The following TRMT1 variants were observed in gnomAD, a reference collection of about 807,000 sequenced individuals.
TRMT1 encodes the protein tRNA (guanine(26)-N(2))-dimethyltransferase.
Under a neutral mutation model 75.4 loss-of-function variants are expected in TRMT1, and 63 were observed. The observed-to-expected ratio is 0.84, with a 90% confidence interval of 0.68 to 1.03. TRMT1 has a LOEUF of 1.03. TRMT1 is among the 50% of genes least tolerant of loss of function. The pLI is 0.00. For missense variants in TRMT1, 870 were observed against 905.3 expected (o/e 0.96, Z 0.50); for synonymous variants, 382 against 358.1 (o/e 1.07, Z -0.75).
intron 7 of TRMT1, among the ~76,000 whole-genome samples, chr19:13,111,550 ATT>A (rs35140536): frequency 1.8e-4 from 23 of 124,516 alleles, no homozygotes; most frequent in Middle Eastern, 4.2e-3. Flanking sequence ...CGCCCAGCTA[ATT>A]TTTTTTTTTT....
intron 14 of TRMT1, among the ~76,000 whole-genome samples, chr19:13,106,430 G>C (rs1188144485): frequency 6.6e-6 from 1 of 152,056 alleles, no homozygotes; most frequent in Non-Finnish European, 1.5e-5. Context: ...GCTGGGAATA[G>C]ACAGTGAACA....
chr19:13,108,843 C>G (rs1314568723), intron 12 of TRMT1, among the ~76,000 whole-genome samples: 2 of 151,738 alleles, frequency 1.3e-5, no homozygotes, highest in Admixed American at 1.3e-4. Context: ...CTCCTGACCT[C>G]AAGTGATCTG....
At chr19:13,110,773 T>C (rs1178389670) in intron 7 of TRMT1, among the ~76,000 whole-genome samples, 1 of 151,772 alleles carries the variant, frequency 6.6e-6, no homozygotes, top group Non-Finnish European at 1.5e-5. Flanking sequence ...CATGATGAAA[T>C]CCCCGTCTCT....
rs146810234 is a variant in TRMT1 at position 13,105,151 on chromosome 19, G to C, written c.1834-70C>G. 1,590 of 1,547,838 alleles carry C rather than the reference G, an allele frequency of 1.0e-3. 15 individuals carry two copies. The African/African-American group carries it at 0.02, about 19-fold the overall frequency. ...AGCCCCTGATGGGATCCTTTCCTGG[G>C]ATGGGAAGCCCACTCCCAAACACTT... is the stretch of plus-strand genomic sequence containing the variant. On this transcript the variant is annotated intron_variant, in intron 16 of 16. Coordinates refer to ENST00000357720, the MANE Select transcript of TRMT1 (RefSeq NM_001136035.4).
At chr19:13,110,103 G>A in intron 8 of TRMT1, 55 bp downstream of exon 8, 2 of 1,608,744 alleles carry the variant, frequency 1.2e-6, no homozygotes, top group Non-Finnish European at 1.7e-6. Context: ...GATCCCCCAG[G>A]GCAAGGTCCT....
At chr19:13,107,442 G>A in intron 14 of TRMT1, 132 bp downstream of exon 14, 1 of 1,141,936 alleles carries the variant, frequency 8.8e-7, no homozygotes, top group Non-Finnish European at 1.3e-6. Flanking sequence ...CCCAGCCCCA[G>A]TCAGCAGATT....
chr19:13,109,497 G>T, intron 11 of TRMT1, 31 bp from the exon 12 acceptor site: 1 of 1,614,056 alleles, frequency 6.2e-7, no homozygotes. Context: ...GGCATGAGTG[G>T]AGATGGACGG....
At chr19:13,107,175 C>G in intron 14 of TRMT1, among the ~76,000 whole-genome samples, 1 of 151,318 alleles carries the variant, frequency 6.6e-6, no homozygotes, top group Non-Finnish European at 1.5e-5. Context: ...CGCTCTGTCG[C>G]CCAGGCTGGA....
chr19:13,105,593 A>G lies in TRMT1; in HGVS notation c.1597T>C (p.Phe533Leu). 2 of 1,612,896 alleles carry G rather than the reference A, an allele frequency of 1.2e-6. No homozygotes were observed. Among genetic ancestry groups the G allele is most frequent in the Non-Finnish European group, 1.7e-6 (2 of 1,179,290 alleles). ...GGGTTGGCATCTTCCCGGATGGTGAAGTTGGCCTGCAGCCTAGGGAAGCAG... is the reference window on the plus strand; with the variant it reads ...GGGTTGGCATCTTCCCGGATGGTGAGGTTGGCCTGCAGCCTAGGGAAGCAG... ...LSVEPRLQAN[F>L]TIREDANPSS... is the part of the protein sequence containing the mutation. The change falls in exon 15 of 17, where the codon TTC becomes CTC. Residue 533 changes from phenylalanine to leucine, a missense_variant. Coordinates refer to ENST00000357720, the MANE Select transcript of TRMT1 (RefSeq NM_001136035.4).
At position 13,105,554 on chromosome 19, in the gene TRMT1, G is replaced by C. The variant is rs765445061; in HGVS notation, c.1636C>G (p.Arg546Gly). The C allele has an allele frequency of 7.4e-6, 12 of 1,613,998 alleles. No homozygotes were observed. The South Asian group carries it at 1.1e-4, about 15-fold the overall frequency. The change falls in exon 15 of 17, where the codon CGA becomes GGA. Residue 546 changes from arginine to glycine, a missense_variant. Transcript: ENST00000357720. ...TTAGCCTGGAAGCGCTTGAGTCCTC[G>C]CTGTCGGGAGCTGGGGTTGGCATCT... ...REDANPSSRQ[R>G]GLKRFQANPE...
intron 14 of TRMT1, 77 bp from the exon 15 acceptor site, chr19:13,105,683 T>C (rs746853047): frequency 1.7e-5 from 24 of 1,385,230 alleles, no homozygotes; most frequent in African/African-American, 2.9e-5. Context: ...ACAGGGCCTG[T>C]CCGCCTCCAC....
chr19:13,111,219 GT>G (rs1568368341), intron 7 of TRMT1, among the ~76,000 whole-genome samples: 1 of 150,884 alleles, frequency 6.6e-6, no homozygotes, highest in African/African-American at 2.4e-5. Flanking sequence ...AATTTTTAGG[GT>G]TTTTTTGTAG....
chr19:13,115,824 T>G (rs574157980), intron 3 of TRMT1, 56 bp from the exon 4 acceptor site: 1 of 1,609,568 alleles, frequency 6.2e-7, no homozygotes, highest in South Asian at 1.1e-5. Flanking sequence ...CTGAGAAACC[T>G]CCCCTTAATC....
At position 13,110,265 on chromosome 19, in the gene TRMT1, G is replaced by T; in HGVS notation, c.912C>A (p.Asn304Lys). The T allele has an allele frequency of 6.2e-7, 1 of 1,611,652 alleles. No homozygotes were observed. The highest frequency in any genetic ancestry group is 8.5e-7 in the Non-Finnish European group (1 of 1,179,132). ...GCGGCACCACGAAGCGCTGGTAGCA[G>T]TTGGCGCGGAGGTCCAGGCTGTGCA... ...IVLHSLDLRANCYQRFVVPLL... is the reference protein window; with the variant it reads ...IVLHSLDLRAKCYQRFVVPLL... Residue 304 changes from asparagine to lysine, a missense_variant, in exon 8 of 17, where the codon AAC becomes AAA. By Grantham distance (94) the Asn-to-Lys change is moderately conservative (BLOSUM62 0). Coordinates refer to ENST00000357720, the MANE Select transcript of TRMT1 (RefSeq NM_001136035.4).
rs775863616 is a variant in TRMT1 at position 13,109,926 on chromosome 19, G to A, written c.1095C>T (p.Val365=). 3 of 1,614,038 alleles carry A rather than the reference G, an allele frequency of 1.9e-6. No homozygotes were observed. In the East Asian group the frequency reaches 6.7e-5, roughly 36 times the overall value. ...TCCTCCCTGCTCACCGGCCGCTGGG[G>A]ACTCCTGACGCTTTGCCGAGACGCT... ...HLQRLGKASG[V]PSGRAKFSAA... The change falls in exon 9 of 17, where the codon GTC becomes GTT. Residue 365 remains valine, a synonymous_variant. Coordinates refer to ENST00000357720, the MANE Select transcript of TRMT1 (RefSeq NM_001136035.4).
At chr19:13,110,388 A>G in intron 7 of TRMT1, 82 bp from the exon 8 acceptor site, 1 of 1,451,232 alleles carries the variant, frequency 6.9e-7, no homozygotes, top group Non-Finnish European at 9.2e-7. Context: ...TCACAAGTAC[A>G]GGCTCAGGGC....
At position 13,109,699 on chromosome 19, in the gene TRMT1, G is replaced by A. The variant is rs1299535175; in HGVS notation, c.1177-15C>T. ...GGGCCACCAAGCTGGGGGCGCACCG[G>A]GGACAGGTGAGCAGGGACTATGACC... On this transcript the variant is annotated splice_polypyrimidine_tract_variant and intron_variant, in intron 10 of 16. Transcript: ENST00000357720. The A allele has an allele frequency of 2.5e-6, 4 of 1,613,922 alleles. No individual in the cohort carries two copies. In the South Asian group the frequency reaches 4.4e-5, roughly 18 times the overall value.
In TRMT1 at chr19:13,112,765, C is replaced by G; in HGVS notation, c.810G>C (p.Gly270=). Residue 270 remains glycine (G), a synonymous_variant, in exon 7 of 17, where the codon GGG becomes GGC. Transcript: ENST00000357720. ...TDMAVLAGNS[G]ETCYSKYGAM... ...CCCCGTACTTGCTGTAGCACGTCTC[C>G]CCGCTGTTCCCCGCCAACACCGCCA... 1.2e-6 allele frequency: 2 copies of G among 1,614,018 alleles called. No homozygotes were observed. The highest frequency in any genetic ancestry group is 1.7e-6 in the Non-Finnish European group (2 of 1,180,000).
Position 13,109,461 on chromosome 19 carries a change from G to A in TRMT1, c.1317C>T (p.Leu439=), listed in dbSNP as rs1469200217. The change falls in exon 12 of 17, where the codon CTC becomes CTT. Residue 439 remains leucine (L), a synonymous_variant. Transcript: ENST00000357720. ...GGGTGTAGTACAGAGGCACGTCCGG[G>A]AGCTCCTGCGATGGGGGACAGGATG... ...RGVLSVITEE[L]PDVPLYYTLD... is the part of the protein sequence containing the mutation. 1 of 1,613,934 alleles carries A rather than the reference G, an allele frequency of 6.2e-7. No individual in the cohort carries two copies. The highest frequency in any genetic ancestry group is 1.7e-5 in the Admixed American group (1 of 60,024).
Sources: gnomAD v4.1 joint callset for allele counts (sites outside exome capture counted in the v4.1 genomes callset) on GRCh38, gnomAD v4.1.1 for gene constraint, MANE v1.5 for transcripts, NCBI Gene and HGNC (gene_info 2026-07-23, HGNC 2026-07-21) for gene names.